RARB: variants seen among roughly 807,000 people sequenced by gnomAD.
The protein encoded by RARB is HBV-activated protein.
In RARB, 17 loss-of-function variants were observed where a neutral mutation model predicts 51.9. That is an observed-to-expected ratio of 0.33 (90% CI 0.22 to 0.49). RARB has a LOEUF of 0.49. Ranked by LOEUF, RARB falls within the 20% of genes least tolerant of loss-of-function variation. RARB has a pLI of 0.99. For missense variants in RARB, 369 were observed against 550.8 expected (o/e 0.67, Z 3.30); for synonymous variants, 215 against 195.4 (o/e 1.10, Z -0.84).
intron 3 of RARB, among the ~76,000 whole-genome samples, chr3:25,542,658 A>T (rs557045385): frequency 3.8e-4 from 58 of 152,366 alleles, no homozygotes; most frequent in African/African-American, 1.4e-3. Flanking sequence ...GTGTGTGCAG[A>T]TATTTCTGAA....
intron 2 of RARB, among the ~76,000 whole-genome samples, chr3:25,496,879 T>G (rs1559434571): frequency 1.3e-5 from 2 of 152,128 alleles, no homozygotes; most frequent in Non-Finnish European, 2.9e-5. Flanking sequence ...GGTGTTGTTT[T>G]TTTGTTTGTT....
At chr3:25,145,993 A>C (rs1486771041) in intron 4 of RARB, among the ~76,000 whole-genome samples, 1 of 143,648 alleles carries the variant, frequency 7.0e-6, no homozygotes, top group Non-Finnish European at 1.5e-5. Flanking sequence ...CAAAGAGTAA[A>C]ACTTCATCTA....
At chr3:25,519,928 T>C (rs1698333550) in intron 3 of RARB, among the ~76,000 whole-genome samples, 1 of 152,190 alleles carries the variant, frequency 6.6e-6, no homozygotes, top group African/African-American at 2.4e-5. Context: ...TTCCTAAACA[T>C]TTAGAAATCT....
At chr3:25,002,011 T>G (rs1172273848) in intron 2 of RARB, among the ~76,000 whole-genome samples, 1 of 152,126 alleles carries the variant, frequency 6.6e-6, no homozygotes, top group East Asian at 1.9e-4. Flanking sequence ...GCCCAAGTGA[T>G]CCATGCACCT....
At chr3:25,099,612 A>T (rs1699361016) in intron 3 of RARB, among the ~76,000 whole-genome samples, 3 of 44,422 alleles carry the variant, frequency 6.8e-5, no homozygotes, top group Admixed American at 6.3e-4. Context: ...TATTTTCAGG[A>T]TTTAAAAAAA....
At chr3:25,051,868 C>A (rs2125300009) in intron 2 of RARB, among the ~76,000 whole-genome samples, 1 of 152,184 alleles carries the variant, frequency 6.6e-6, no homozygotes, top group Middle Eastern at 3.4e-3. Context: ...GAAACAGGTA[C>A]AAAAATGGTG....
intron 2 of RARB, among the ~76,000 whole-genome samples, chr3:24,861,098 C>G (rs762233223): frequency 1.1e-4 from 17 of 152,138 alleles, no homozygotes; most frequent in Non-Finnish European, 2.4e-4. Context: ...GTGAATTCAG[C>G]CACCACCAAT....
intron 2 of RARB, among the ~76,000 whole-genome samples, chr3:25,056,256 T>A (rs1030153837): frequency 3.9e-5 from 6 of 151,976 alleles, no homozygotes; most frequent in African/African-American, 1.5e-4. Flanking sequence ...CAGATAACCT[T>A]AGTGAGAGAA....
chr3:25,085,956 A>C (rs189707304), intron 3 of RARB, among the ~76,000 whole-genome samples: 23 of 152,330 alleles, frequency 1.5e-4, no homozygotes, highest in Admixed American at 1.4e-3. Flanking sequence ...AAAATGGATG[A>C]TCTAGGTTGG....
intron 5 of RARB, among the ~76,000 whole-genome samples, chr3:25,235,657 C>G (rs537852477): frequency 5.2e-4 from 79 of 152,258 alleles, no homozygotes; most frequent in Middle Eastern, 3.4e-3. Context: ...AACTGCTTTT[C>G]TATTATCTAT....
intron 5 of RARB, among the ~76,000 whole-genome samples, chr3:25,265,066 C>T (rs1416393695): frequency 2.0e-5 from 3 of 152,282 alleles, no homozygotes; most frequent in South Asian, 4.1e-4. Flanking sequence ...ACAAAATCTG[C>T]CAATGCCTTG....
rs114929596 is a variant in RARB at position 25,121,790 on chromosome 3, A to G, written c.-327-10371A>G. 2.8e-3 allele frequency among the ~76,000 whole-genome samples: 424 copies of G among 152,322 alleles called. 3 individuals are homozygous for G. The highest frequency in any genetic ancestry group is 9.4e-3 in the African/African-American group (391 of 41,578). On this transcript the variant is annotated intron_variant, in intron 3 of 11. Coordinates refer to the RARB transcript ENST00000383772. ...TCTACACATTTATTAAGATTTATCT[A>G]TTGAACAGTCAACTCCTAAAAACAC... is the stretch of plus-strand genomic sequence containing the variant.
intron 3 of RARB, among the ~76,000 whole-genome samples, chr3:25,100,779 A>G (rs943709836): frequency 6.6e-6 from 1 of 152,178 alleles, no homozygotes; most frequent in East Asian, 1.9e-4. Flanking sequence ...TCACGTGTCA[A>G]AAGGGACAAC....
intron 4 of RARB, among the ~76,000 whole-genome samples, chr3:25,172,507 G>T (rs1270479920): frequency 6.6e-6 from 1 of 152,204 alleles, no homozygotes; most frequent in African/African-American, 2.4e-5. Flanking sequence ...TTAGAACATT[G>T]TAGGGTTTAT....
rs1416705546 is a variant in RARB, at chr3:25,316,131, G to A, written c.178+141556G>A. On this transcript the variant is annotated intron_variant, in intron 5 of 11. Coordinates refer to the RARB transcript ENST00000383772. ...TTGTACAGATAGATGTCTATTGTCT[G>A]TATAAGCTTTTTTTATGAGGCACCT... Among the ~76,000 whole-genome samples the A allele has an allele frequency of 2.6e-5, 4 of 152,140 alleles. No homozygotes were observed. The East Asian group carries it at 7.7e-4, about 29-fold the overall frequency.
intron 5 of RARB, among the ~76,000 whole-genome samples, chr3:25,419,975 C>G (rs528371720): frequency 6.6e-6 from 1 of 152,044 alleles, no homozygotes; most frequent in Admixed American, 6.5e-5. Context: ...GAGAAGCTTT[C>G]GAAGCTCTTG....
chr3:25,041,364 G>A (rs182291432), intron 2 of RARB, among the ~76,000 whole-genome samples: 3 of 151,594 alleles, frequency 2.0e-5, no homozygotes, highest in East Asian at 1.9e-4. Context: ...TTAAATATTC[G>A]AATCCATCTT....
chr3:25,294,472 G>A (rs1250702049), intron 5 of RARB, among the ~76,000 whole-genome samples: 2 of 152,208 alleles, frequency 1.3e-5, no homozygotes, highest in African/African-American at 4.8e-5. Context: ...TACAGTTGAT[G>A]TAAGAGCTAA....
chr3:25,471,221 C>T (rs1453140610), intron 2 of RARB, among the ~76,000 whole-genome samples: 1 of 152,126 alleles, frequency 6.6e-6, no homozygotes, highest in Admixed American at 6.5e-5. Context: ...CTGCCTTCTA[C>T]CTCAGTTAAC....
Sources: gnomAD v4.1 joint callset for allele counts (sites outside exome capture counted in the v4.1 genomes callset) on GRCh38, gnomAD v4.1.1 for gene constraint, MANE v1.5 for transcripts, NCBI Gene and HGNC (gene_info 2026-07-23, HGNC 2026-07-21) for gene names.